FCHSD2: variants seen among roughly 807,000 people sequenced by gnomAD.
FCHSD2 encodes F-BAR and double SH3 domains protein 2.
A neutral mutation model predicts 108.1 loss-of-function variants in FCHSD2; 38 were observed. The ratio of observed to expected loss-of-function variants is 0.35; its 90% CI spans 0.27 to 0.46. The LOEUF is 0.46. FCHSD2 is among the 20% of genes least tolerant of loss of function. FCHSD2 has a pLI of 1.00. For synonymous variants in FCHSD2, 279 were observed against 314.7 expected, an observed-to-expected ratio of 0.89 and a Z score of 1.20; for missense variants, 751 against 897.8, an observed-to-expected ratio of 0.84 and a Z score of 2.09.
intron 2 of FCHSD2, among the ~76,000 whole-genome samples, chr11:73,095,630 G>T (rs1274584989): frequency 6.6e-6 from 1 of 152,140 alleles, no homozygotes; most frequent in Non-Finnish European, 1.5e-5. Flanking sequence ...TAAGGCATAA[G>T]GCTCCAAAAC....
intron 3 of FCHSD2, among the ~76,000 whole-genome samples, chr11:73,042,192 T>G (rs1206255339): frequency 6.6e-6 from 1 of 152,172 alleles, no homozygotes; most frequent in Non-Finnish European, 1.5e-5. Flanking sequence ...CTCCCAGTGT[T>G]GGGACTACAG....
chr11:72,880,860 C>T (rs1855069347), intron 12 of FCHSD2, among the ~76,000 whole-genome samples: 1 of 144,034 alleles, frequency 6.9e-6, no homozygotes, highest in Admixed American at 6.9e-5. Flanking sequence ...AGAGTGATAC[C>T]CTGTCTCGAA....
chr11:72,893,967 G>A (rs1311270891), intron 10 of FCHSD2, among the ~76,000 whole-genome samples: 4 of 152,138 alleles, frequency 2.6e-5, no homozygotes, highest in Non-Finnish European at 5.9e-5. Flanking sequence ...CAAAGGCATA[G>A]AAGGCTCAGA....
chr11:73,009,904 T>TG (rs1014785181), intron 4 of FCHSD2, among the ~76,000 whole-genome samples: 15 of 152,260 alleles, frequency 9.9e-5, no homozygotes, highest in South Asian at 2.1e-4. Context: ...TTCATCTGCC[T>TG]GGGGGGGTCT....
intron 9 of FCHSD2, among the ~76,000 whole-genome samples, chr11:72,920,649 A>AT (rs1855960221): frequency 6.6e-6 from 1 of 152,158 alleles, no homozygotes; most frequent in African/African-American, 2.4e-5. Context: ...CAAAGATAAG[A>AT]TTTTTTCATA....
intron 2 of FCHSD2, among the ~76,000 whole-genome samples, chr11:73,130,226 G>A (rs957730729): frequency 1.3e-5 from 2 of 151,874 alleles, no homozygotes; most frequent in Non-Finnish European, 2.9e-5. Context: ...CCAGGGGAAG[G>A]TAAAGTATAC....
chr11:72,872,559 T>C (rs888783410), intron 12 of FCHSD2, among the ~76,000 whole-genome samples: 9 of 152,214 alleles, frequency 5.9e-5, no homozygotes, highest in Non-Finnish European at 1.2e-4. Context: ...TGGTCTTTTA[T>C]GACTAACTTC....
chr11:72,985,788 G>A (rs1857299782), intron 6 of FCHSD2, among the ~76,000 whole-genome samples: 1 of 152,044 alleles, frequency 6.6e-6, no homozygotes, highest in Non-Finnish European at 1.5e-5. Flanking sequence ...CTAACAATAG[G>A]TAGTACAAAC....
chr11:73,135,881 G>A (rs1031473795), intron 2 of FCHSD2, among the ~76,000 whole-genome samples: 12 of 152,172 alleles, frequency 7.9e-5, no homozygotes, highest in African/African-American at 2.2e-4. Flanking sequence ...TAAGGGGTGC[G>A]TTGCAGCAGT....
At chr11:73,090,872 A>C (rs1283256904) in intron 2 of FCHSD2, among the ~76,000 whole-genome samples, 1 of 152,102 alleles carries the variant, frequency 6.6e-6, no homozygotes, top group East Asian at 1.9e-4. Flanking sequence ...CTAATTTCAA[A>C]CTTTTTCATC....
At position 73,122,360 on chromosome 11, in the gene FCHSD2, C is replaced by G. The variant is rs1287017105; in HGVS notation, c.119+17671G>C. On this transcript the variant is annotated intron_variant, in intron 2 of 19. Coordinates refer to ENST00000409418, the MANE Select transcript of FCHSD2 (RefSeq NM_014824.3). ...CATCAAGACATAGACTCTGCTGCAG[C>G]TGAATGCACCCTGATAGCCCCAGAG... Among the ~76,000 whole-genome samples, 3 of 152,304 alleles carry G rather than the reference C, an allele frequency of 2.0e-5. No individual in the cohort carries two copies. The East Asian group carries it at 5.8e-4, about 29-fold the overall frequency.
intron 2 of FCHSD2, among the ~76,000 whole-genome samples, chr11:73,128,136 T>C (rs1277138587): frequency 2.6e-5 from 4 of 150,950 alleles, no homozygotes; most frequent in African/African-American, 4.9e-5. Flanking sequence ...GAGGCCAAAA[T>C]ACAAAAACCT....
intron 3 of FCHSD2, among the ~76,000 whole-genome samples, chr11:73,062,710 G>T (rs1412398466): frequency 1.3e-5 from 2 of 152,100 alleles, no homozygotes; most frequent in East Asian, 3.8e-4. Context: ...TAAACTTAAT[G>T]AAATAAAGAA....
intron 2 of FCHSD2, among the ~76,000 whole-genome samples, chr11:73,106,871 T>C (rs1340262923): frequency 6.6e-6 from 1 of 152,162 alleles, no homozygotes; most frequent in Non-Finnish European, 1.5e-5. Context: ...TTCTATGATG[T>C]TGATACAAGG....
chr11:72,941,933 A>T (rs954125073), intron 8 of FCHSD2, among the ~76,000 whole-genome samples: 2 of 152,248 alleles, frequency 1.3e-5, no homozygotes, highest in African/African-American at 4.8e-5. Context: ...ATAAAAGCAT[A>T]AAAAAGTAAT....
intron 3 of FCHSD2, among the ~76,000 whole-genome samples, chr11:73,083,058 C>T (rs575375751): frequency 3.3e-5 from 5 of 152,128 alleles, no homozygotes; most frequent in African/African-American, 2.4e-5. Context: ...GAACTAAATG[C>T]GTGATGAAAA....
chr11:73,138,903 C>T (rs1278881624), intron 2 of FCHSD2, among the ~76,000 whole-genome samples: 2 of 152,128 alleles, frequency 1.3e-5, no homozygotes, highest in Admixed American at 6.5e-5. Context: ...TGACTGCGCA[C>T]GGCCTCGCAT....
At chr11:72,877,331 G>A (rs892280286) in intron 12 of FCHSD2, among the ~76,000 whole-genome samples, 6 of 152,098 alleles carry the variant, frequency 3.9e-5, no homozygotes, top group Non-Finnish European at 8.8e-5. Context: ...CTTCAGGCCA[G>A]TAAGATGGAG....
At chr11:72,991,398 T>C (rs950004577) in intron 5 of FCHSD2, among the ~76,000 whole-genome samples, 13 of 151,984 alleles carry the variant, frequency 8.6e-5, no homozygotes, top group African/African-American at 2.9e-4. Context: ...AGCCTGGCAG[T>C]GACACAACAA....
Sources: gnomAD v4.1 joint callset for allele counts (sites outside exome capture counted in the v4.1 genomes callset) on GRCh38, gnomAD v4.1.1 for gene constraint, MANE v1.5 for transcripts, NCBI Gene and HGNC (gene_info 2026-07-23, HGNC 2026-07-21) for gene names.